The following SFTPD variants were observed in gnomAD, a reference collection of about 807,000 sequenced individuals.
The protein encoded by SFTPD is surfactant protein D, also known as pulmonary surfactant-associated protein D.
A neutral mutation model predicts 34.6 loss-of-function variants in SFTPD; 18 were observed. The observed-to-expected ratio is 0.52, with a 90% confidence interval of 0.36 to 0.77. The LOEUF (loss-of-function observed/expected upper bound fraction) is 0.77, where lower values mean the gene tolerates loss of function less well. Ranked by LOEUF, SFTPD falls within the 30% of genes least tolerant of loss-of-function variation. SFTPD has a pLI of 0.00. For synonymous variants in SFTPD, 155 were observed against 180.9 expected (o/e 0.86, Z 1.15); for missense variants, 433 against 468.9 (o/e 0.92, Z 0.71).
intron 4 of SFTPD, 104 bp from the exon 5 acceptor site, chr10:79,942,174 A>G (rs1842619746): frequency 1.2e-6 from 1 of 831,010 alleles, no homozygotes; most frequent in East Asian, 2.4e-5. Flanking sequence ...GGTCAGAGAG[A>G]GAAGTGGGGA....
At chr10:79,961,276 A>G (rs11200912) in intron 1 of SFTPD, among the ~76,000 whole-genome samples, 11,668 of 152,172 alleles carry the variant, frequency 0.077, 869 homozygotes, top group East Asian at 0.39. Context: ...CAATGGCAAC[A>G]AAAGCCAGAA....
chr10:79,951,660 G>A (rs1842711035), upstream of SFTPD, among the ~76,000 whole-genome samples: 1 of 152,178 alleles, frequency 6.6e-6, no homozygotes, highest in Non-Finnish European at 1.5e-5. Context: ...ATTTGGTTGT[G>A]CAATTCAATC....
At chr10:79,966,691 T>G (rs1450458068) in intron 1 of SFTPD, among the ~76,000 whole-genome samples, 39 of 142,080 alleles carry the variant, frequency 2.7e-4, no homozygotes, top group South Asian at 7.0e-4. Flanking sequence ...TGCCTAGGTT[T>G]TCTTCTAGGG....
intron 1 of SFTPD, among the ~76,000 whole-genome samples, chr10:79,975,054 T>TG (rs200104573): frequency 0.068 from 10,337 of 152,144 alleles, 560 homozygotes; most frequent in South Asian, 0.2. Context: ...CCTGTTGATC[T>TG]GGGGGGGTGT....
chr10:79,941,260 G>T, intron 6 of SFTPD, 138 bp downstream of exon 6: 1 of 755,714 alleles, frequency 1.3e-6, no homozygotes. Context: ...CAGCCTGTCC[G>T]CCTTTCCTGA....
chr10:79,962,515 T>G (rs968524832), intron 1 of SFTPD, among the ~76,000 whole-genome samples: 2 of 152,112 alleles, frequency 1.3e-5, no homozygotes, highest in African/African-American at 4.8e-5. Context: ...TATTAATAGC[T>G]TTATAATTTT....
intron 1 of SFTPD, among the ~76,000 whole-genome samples, chr10:79,961,168 T>C (rs1009669631): frequency 2.0e-5 from 3 of 152,184 alleles, no homozygotes; most frequent in African/African-American, 7.2e-5. Context: ...AAGACTTGCA[T>C]GTTAGACCTA....
upstream of SFTPD, chr10:79,950,389 T>C (rs1842702907): frequency 6.6e-6 from 1 of 152,206 alleles, no homozygotes; most frequent in African/African-American, 2.4e-5. Context: ...GGTGACAAAT[T>C]CCCTTTGCAT....
At chr10:79,969,417 T>G (rs1354579128) in intron 1 of SFTPD, 1 of 151,006 alleles carries the variant, frequency 6.6e-6, no homozygotes, top group Non-Finnish European at 1.5e-5. Context: ...GAGGTTGCAG[T>G]GAGCTGAGAT....
chr10:79,946,794 A>G lies in SFTPD; in HGVS notation c.-3-132T>C, dbSNP rs1012648311. 8.8e-6 allele frequency: 7 copies of G among 792,940 alleles called. No individual in the cohort carries two copies. The African/African-American group carries it at 1.0e-4, about 12-fold the overall frequency. 49.1% of individuals were successfully genotyped at this position (792,940 alleles called of 1,614,324 possible). ...TGTCCTCTGCTATGGGGCCTAGAGCAGCAGGAATCCAAAAGCAGTTTAAGG... is the reference window on the plus strand; with the variant it reads ...TGTCCTCTGCTATGGGGCCTAGAGCGGCAGGAATCCAAAAGCAGTTTAAGG... On this transcript the variant is annotated intron_variant, in intron 1 of 7. Transcript: ENST00000372292.
chr10:79,978,451 A>G (rs546092750), intron 1 of SFTPD, among the ~76,000 whole-genome samples: 117 of 152,238 alleles, frequency 7.7e-4, no homozygotes, highest in African/African-American at 2.7e-3. Flanking sequence ...CAGGAGTTCA[A>G]CACCAGCATG....
chr10:79,940,885 C>T (rs1842604455), intron 6 of SFTPD, 97 bp from the exon 7 acceptor site: 5 of 781,396 alleles, frequency 6.4e-6, no homozygotes, highest in Non-Finnish European at 1.1e-5. Context: ...GTTTCGGGCA[C>T]ATATTGTGGG....
Position 79,937,942 on chromosome 10 carries a change from G to C in SFTPD, c.1038C>G (p.Gly346=). ...NWAPGEPNDD[G]GSEDCVEIFT... ...AGATCTCCACACAGTCCTCTGACCC[G>C]CCATCATCGTTGGGCTCCCCTGGGG... Residue 346 remains glycine, a synonymous_variant, in exon 8 of 8, where the codon GGC becomes GGG. Transcript: ENST00000372292. 1 of 1,611,936 alleles carries C rather than the reference G, an allele frequency of 6.2e-7. No homozygotes were observed. The highest frequency in any genetic ancestry group is 8.5e-7 in the Non-Finnish European group (1 of 1,178,678).
rs369229317 is a variant in SFTPD, at chr10:79,942,001, C to G, written c.503G>C (p.Arg168Pro). ...GACTCCACGCTCACCAGGGACACCT[C>G]GCTCTCCCTTAGGGCCTGCGAGGCC... Reference protein sequence around the residue: ...ARGLAGPKGERGVPGERGVPG... With the variant: ...ARGLAGPKGEPGVPGERGVPG... The change falls in exon 5 of 8, where the codon CGA (arginine) becomes CCA (proline). Residue 168 changes from arginine to proline, a missense_variant. Arg to Pro is a moderately radical substitution (Grantham distance 103, BLOSUM62 -2). Coordinates refer to ENST00000372292, the MANE Select transcript of SFTPD (RefSeq NM_003019.5). The G allele has an allele frequency of 5.0e-6, 8 of 1,613,846 alleles. No homozygotes were observed. Among genetic ancestry groups the G allele is most frequent in the Non-Finnish European group, 5.9e-6 (7 of 1,179,882 alleles).
At chr10:79,964,603 T>G (rs1842793349) in intron 1 of SFTPD, among the ~76,000 whole-genome samples, 1 of 152,174 alleles carries the variant, frequency 6.6e-6, no homozygotes, top group Non-Finnish European at 1.5e-5. Flanking sequence ...CTCTTCCTTG[T>G]AGGTTACAAG....
chr10:79,957,966 A>G (rs1276199786), intron 1 of SFTPD, among the ~76,000 whole-genome samples: 1 of 152,250 alleles, frequency 6.6e-6, no homozygotes, highest in Non-Finnish European at 1.5e-5. Flanking sequence ...CAGAAACTCT[A>G]CAAGCCAGAA....
intron 1 of SFTPD, among the ~76,000 whole-genome samples, chr10:79,974,968 G>C (rs1456337050): frequency 1.3e-5 from 2 of 152,182 alleles, no homozygotes; most frequent in Non-Finnish European, 2.9e-5. Flanking sequence ...CAAAGGGATG[G>C]GCCGAAATAA....
chr10:79,978,039 G>A (rs536808081), intron 1 of SFTPD, among the ~76,000 whole-genome samples: 122 of 152,246 alleles, frequency 8.0e-4, no homozygotes, highest in African/African-American at 2.9e-3. Flanking sequence ...CTTGCAGTCT[G>A]TTTACCTTTT....
intron 6 of SFTPD, among the ~76,000 whole-genome samples, 176 bp downstream of exon 6, chr10:79,941,222 A>G (rs1266153587): frequency 1.3e-5 from 2 of 152,200 alleles, no homozygotes; most frequent in East Asian, 1.9e-4. Flanking sequence ...CTAAGTGGCT[A>G]AGACCAGAGC....
Sources: gnomAD v4.1 joint callset for allele counts (sites outside exome capture counted in the v4.1 genomes callset) on GRCh38, gnomAD v4.1.1 for gene constraint, MANE v1.5 for transcripts, NCBI Gene and HGNC (gene_info 2026-07-23, HGNC 2026-07-21) for gene names.